Variants in CLEC4C observed in about 807,000 individuals in gnomAD.
CLEC4C encodes the protein C-type (calcium dependent, carbohydrate-recognition domain) lectin, superfamily member 11.
In CLEC4C, 17 loss-of-function variants were observed where a neutral mutation model predicts 27.7. That is an observed-to-expected ratio of 0.61 (90% CI 0.42 to 0.92). The LOEUF (loss-of-function observed/expected upper bound fraction) is 0.92. CLEC4C is among the 40% of genes least tolerant of loss of function. The pLI, the probability that CLEC4C is intolerant of heterozygous loss-of-function variation, is 0.00. For synonymous variants in CLEC4C, 80 were observed against 80.8 expected, an observed-to-expected ratio of 0.99 and a Z score of 0.06; for missense variants, 244 against 257.3, an observed-to-expected ratio of 0.95 and a Z score of 0.35.
At chr12:7,738,102 T>C (rs150786350) in intron 3 of CLEC4C, among the ~76,000 whole-genome samples, 2 of 152,330 alleles carry the variant, frequency 1.3e-5, no homozygotes, top group East Asian at 3.9e-4. Context: ...AATGTTATAT[T>C]TGTCACTAAT....
At chr12:7,737,342 T>TA in intron 4 of CLEC4C, 87 bp downstream of exon 4, 1 of 1,018,428 alleles carries the variant, frequency 9.8e-7, no homozygotes, top group Non-Finnish European at 1.3e-6. Context: ...TTTTTTCCTG[T>TA]CTTTGAACTT....
At chr12:7,736,825 C>A (rs772479223) in intron 4 of CLEC4C, among the ~76,000 whole-genome samples, 11 of 152,178 alleles carry the variant, frequency 7.2e-5, no homozygotes, top group Admixed American at 5.2e-4. Flanking sequence ...ATGGTGTGAA[C>A]CCGGGAGGCT....
In CLEC4C at chr12:7,737,590, TAGA is replaced by T; in HGVS notation, c.236-19_236-17del. 6 of 1,603,088 alleles carry T rather than the reference TAGA, an allele frequency of 3.7e-6. No homozygotes were observed. The highest frequency in any genetic ancestry group is 1.1e-5 in the South Asian group (1 of 89,608). ...CAGCTCCAATCTTCCCAAATGAGTA[TAGA>T]AGAAGAAAAAATATTAACAGAGAAT... On this transcript the variant is annotated splice_polypyrimidine_tract_variant and intron_variant, in intron 3 of 5. Coordinates refer to ENST00000360345, the MANE Select transcript of CLEC4C (RefSeq NM_001371390.1).
intron 2 of CLEC4C, among the ~76,000 whole-genome samples, 191 bp downstream of exon 2, chr12:7,746,140 G>A (rs943683244): frequency 2.6e-4 from 39 of 151,128 alleles, no homozygotes; most frequent in Non-Finnish European, 5.2e-4. Flanking sequence ...GCATGAACCC[G>A]GGAGGTGAGC....
At chr12:7,745,272 C>G (rs1864946520) in intron 2 of CLEC4C, among the ~76,000 whole-genome samples, 1 of 151,888 alleles carries the variant, frequency 6.6e-6, no homozygotes, top group Non-Finnish European at 1.5e-5. Context: ...AGCACTCCCT[C>G]CATCATGTGA....
intron 3 of CLEC4C, among the ~76,000 whole-genome samples, chr12:7,738,793 G>A (rs1398948930): frequency 6.6e-6 from 1 of 152,172 alleles, no homozygotes. Context: ...ATGAGCCACT[G>A]AGCCTGGCCT....
intron 4 of CLEC4C, among the ~76,000 whole-genome samples, chr12:7,735,667 T>A (rs113737521): frequency 6.7e-6 from 1 of 149,748 alleles, no homozygotes; most frequent in East Asian, 2.0e-4. Context: ...TAGCCAGGTG[T>A]GGTGGTGGTC....
In CLEC4C at chr12:7,745,712, C is replaced by A. The variant is rs11055567; in HGVS notation, c.124+619G>T. On this transcript the variant is annotated intron_variant, in intron 2 of 5. Transcript: ENST00000360345. ...CCTCCCGAAGTGCTGGGATTACAGG[C>A]ATGAGCTACCACGCCTGGCCCAGTC... 5.0e-4 allele frequency among the ~76,000 whole-genome samples: 75 copies of A among 151,298 alleles called. 1 individual carries two copies. In the East Asian group the frequency reaches 0.013, roughly 26 times the overall value.
At chr12:7,737,725 T>A in intron 3 of CLEC4C, 151 bp from the exon 4 acceptor site, 1 of 697,152 alleles carries the variant, frequency 1.4e-6, no homozygotes, top group Non-Finnish European at 2.3e-6. Flanking sequence ...GTGTATTTAC[T>A]AATCCCTAGA....
Position 7,737,590 on chromosome 12 carries a change from T to C in CLEC4C, c.236-16A>G, listed in dbSNP as rs750068065. The C allele has an allele frequency of 1.9e-5, 31 of 1,602,972 alleles. No homozygotes were observed. The highest frequency in any genetic ancestry group is 1.2e-4 in the Admixed American group (7 of 57,744). On this transcript the variant is annotated splice_polypyrimidine_tract_variant and intron_variant, in intron 3 of 5. Coordinates refer to ENST00000360345, the MANE Select transcript of CLEC4C (RefSeq NM_001371390.1). ...CAGCTCCAATCTTCCCAAATGAGTA[T>C]AGAAGAAGAAAAAATATTAACAGAG...
intron 2 of CLEC4C, among the ~76,000 whole-genome samples, chr12:7,743,794 T>C (rs1380366514): frequency 1.3e-5 from 2 of 152,186 alleles, no homozygotes; most frequent in Non-Finnish European, 2.9e-5. Flanking sequence ...AATAACCATC[T>C]TGTATTAGTC....
At chr12:7,747,266 A>C in intron 1 of CLEC4C, 52 bp downstream of exon 1, 1 of 1,560,028 alleles carries the variant, frequency 6.4e-7, no homozygotes, top group East Asian at 2.2e-5. Context: ...CCTGTTTCCC[A>C]CTCCATCCTG....
At chr12:7,732,087 T>G (rs1864608333) in intron 4 of CLEC4C, among the ~76,000 whole-genome samples, 1 of 152,202 alleles carries the variant, frequency 6.6e-6, no homozygotes, top group Non-Finnish European at 1.5e-5. Context: ...TGGAGTGCAG[T>G]GGCACGATCT....
At chr12:7,730,476 C>G (rs1387583850) in intron 5 of CLEC4C, among the ~76,000 whole-genome samples, 1 of 152,026 alleles carries the variant, frequency 6.6e-6, no homozygotes, top group East Asian at 1.9e-4. Flanking sequence ...CCCATCTCTA[C>G]TAAAATTACA....
At chr12:7,747,505 CT>C (rs1435298165), upstream of CLEC4C, 15 of 655,980 alleles carry the variant, frequency 2.3e-5, no homozygotes, top group African/African-American at 3.6e-5. Context: ...AGAGATGTGA[CT>C]TAGGAGACTC....
In CLEC4C at chr12:7,747,324, C is replaced by T. The variant is rs1325985493; in HGVS notation, c.25G>A (p.Asp9Asn). 1 of 1,614,000 alleles carries T rather than the reference C, an allele frequency of 6.2e-7. No individual in the cohort carries two copies. Among genetic ancestry groups the T allele is most frequent in the Non-Finnish European group, 8.5e-7 (1 of 1,180,002 alleles). Residue 9 changes from aspartate to asparagine, a missense_variant, in exon 1 of 6, where the codon GAC (aspartate) becomes AAC (asparagine). Asp to Asn is a conservative substitution (Grantham distance 23). Coordinates refer to ENST00000360345, the MANE Select transcript of CLEC4C (RefSeq NM_001371390.1). ...TGAGAAGATGAGTGCTTACCTCGGT[C>T]TTGAGGCTCTTCTTCAGGCACCATT... MVPEEEPQ[D>N]REKGLWWFQL...
At chr12:7,739,328 G>A (rs549585225) in intron 3 of CLEC4C, among the ~76,000 whole-genome samples, 94 of 152,116 alleles carry the variant, frequency 6.2e-4, no homozygotes, top group Non-Finnish European at 1.1e-3. Context: ...GGCCAGGATA[G>A]TCTCAATCTC....
rs149294878 is a variant in CLEC4C, at chr12:7,742,188, T to A, written c.125-657A>T. On this transcript the variant is annotated intron_variant, in intron 2 of 5. Coordinates refer to ENST00000360345, the MANE Select transcript of CLEC4C (RefSeq NM_001371390.1). ...AGAGTGCAACTCCATCTCAAAAAAA[T>A]AAATAAATAAATAAATAAAAATAAA... Among the ~76,000 whole-genome samples, 822 of 144,598 alleles carry A rather than the reference T, an allele frequency of 5.7e-3. 4 individuals carry two copies. The highest frequency in any genetic ancestry group is 0.014 in the African/African-American group (564 of 39,606). The allele number at this position is 144,598 out of a possible 152,430, so 94.9% of individuals were successfully genotyped here. A position where few individuals can be genotyped will look rare whatever the true frequency, so the allele number is the denominator to read the frequency against.
chr12:7,745,023 T>A (rs1312176246), intron 2 of CLEC4C, among the ~76,000 whole-genome samples: 1 of 152,132 alleles, frequency 6.6e-6, no homozygotes, highest in African/African-American at 2.4e-5. Flanking sequence ...AATAGAGACT[T>A]TTTTAAAACA....
Sources: gnomAD v4.1 joint callset for allele counts (sites outside exome capture counted in the v4.1 genomes callset) on GRCh38, gnomAD v4.1.1 for gene constraint, MANE v1.5 for transcripts, NCBI Gene and HGNC (gene_info 2026-07-23, HGNC 2026-07-21) for gene names.